Variants in PRELID2 observed in about 807,000 individuals in gnomAD.
PRELID2 encodes PRELI domain-containing protein 2.
A neutral mutation model predicts 28.4 loss-of-function variants in PRELID2; 25 were observed. The observed-to-expected ratio is 0.88, with a 90% CI of 0.64 to 1.23. The LOEUF is 1.23. Ranked by LOEUF, PRELID2 falls within the 50% of genes most tolerant of loss-of-function variation. The probability of loss-of-function intolerance (pLI) is 0.00; values close to 1 mark genes in which losing one functional copy is unlikely to be tolerated. For missense variants in PRELID2, 201 were observed against 214.4 expected (o/e 0.94, Z 0.39); for synonymous variants, 76 against 71.6 (o/e 1.06, Z -0.31).
chr5:145,330,253 G>A, the PRELID2 span, among the ~76,000 whole-genome samples: 2 of 152,132 alleles, frequency 1.3e-5, no homozygotes, highest in Non-Finnish European at 2.9e-5. Flanking sequence ...TTGTGTCTCT[G>A]CCAGGTTTTG....
chr5:145,613,656 A>C (rs1316396633), intron 1 of PRELID2, among the ~76,000 whole-genome samples: 2 of 151,690 alleles, frequency 1.3e-5, no homozygotes, highest in African/African-American at 2.4e-5. Context: ...TTCTTAACCC[A>C]CTTCTTGACA....
the PRELID2 span, among the ~76,000 whole-genome samples, chr5:145,448,287 T>C: frequency 6.6e-6 from 1 of 151,992 alleles, no homozygotes; most frequent in African/African-American, 2.4e-5. Context: ...GAAGTGTCTG[T>C]TCATGTCCTT....
intron 1 of PRELID2, among the ~76,000 whole-genome samples, chr5:145,600,434 A>AAAAATATATATATATATATATATAT (rs1315631607): frequency 3.3e-5 from 4 of 120,098 alleles, no homozygotes; most frequent in African/African-American, 1.6e-4. Context: ...AAAAAAAAAA[A>AAAAATATATATATATATATATATAT]ATATATATAT....
chr5:145,472,930 A>G (rs1406057413), intron 2 of PRELID2, among the ~76,000 whole-genome samples: 1 of 152,158 alleles, frequency 6.6e-6, no homozygotes, highest in Admixed American at 6.6e-5. Flanking sequence ...GTTTCTTTGG[A>G]ATCTGACCTA....
downstream of PRELID2, among the ~76,000 whole-genome samples, chr5:145,467,658 A>T (rs905751209): frequency 2.6e-5 from 4 of 152,008 alleles, no homozygotes; most frequent in African/African-American, 9.7e-5. Context: ...TCTGATGACA[A>T]AGCACTGTTT....
chr5:145,595,163 C>CAG (rs1554078066), intron 1 of PRELID2, among the ~76,000 whole-genome samples: 1 of 135,462 alleles, frequency 7.4e-6, no homozygotes, highest in Non-Finnish European at 1.5e-5. Flanking sequence ...TCATAATAGA[C>CAG]ACACACACAC....
At chr5:145,279,701 T>G in the PRELID2 span, among the ~76,000 whole-genome samples, 2 of 152,150 alleles carry the variant, frequency 1.3e-5, no homozygotes, top group African/African-American at 4.8e-5. Context: ...TAAATTCATT[T>G]TTTGAAACAA....
the PRELID2 span, among the ~76,000 whole-genome samples, chr5:145,387,250 A>T: frequency 3.6e-3 from 543 of 152,204 alleles, 1 homozygote; most frequent in African/African-American, 0.012. Context: ...AGGAATGTAG[A>T]TGCATGGTTA....
chr5:145,591,899 T>G (rs1041194936), intron 1 of PRELID2, among the ~76,000 whole-genome samples: 1 of 152,148 alleles, frequency 6.6e-6, no homozygotes, highest in African/African-American at 2.4e-5. Flanking sequence ...TGGTGATGAG[T>G]GCTGCTGTGC....
chr5:145,462,186 C>T, the PRELID2 span, among the ~76,000 whole-genome samples: 1 of 152,084 alleles, frequency 6.6e-6, no homozygotes, highest in African/African-American at 2.4e-5. Flanking sequence ...AGCACTGATA[C>T]AATAAAATGT....
chr5:145,634,968 T>C (rs1381543693), intron 1 of PRELID2, among the ~76,000 whole-genome samples: 2 of 152,150 alleles, frequency 1.3e-5, no homozygotes, highest in African/African-American at 4.8e-5. Context: ...CAGTTAACCA[T>C]CCCCTATTTC....
intron 1 of PRELID2, among the ~76,000 whole-genome samples, chr5:145,633,072 T>C (rs1753953295): frequency 6.6e-6 from 1 of 152,084 alleles, no homozygotes; most frequent in African/African-American, 2.4e-5. Flanking sequence ...AGAAAATAAA[T>C]TCTGGCAACA....
At chr5:145,793,814 T>C (rs961211073) in intron 5 of PRELID2, among the ~76,000 whole-genome samples, 2 of 152,194 alleles carry the variant, frequency 1.3e-5, no homozygotes, top group East Asian at 1.9e-4. Flanking sequence ...GGAATAAGAA[T>C]TAAGGTGAAT....
the PRELID2 span, among the ~76,000 whole-genome samples, chr5:145,376,986 T>A: frequency 6.6e-6 from 1 of 152,104 alleles, no homozygotes; most frequent in South Asian, 2.1e-4. Flanking sequence ...ATTAGGTTGT[T>A]AATGTGAGAT....
chr5:145,608,022 G>A (rs780098271), intron 1 of PRELID2, among the ~76,000 whole-genome samples: 7 of 145,814 alleles, frequency 4.8e-5, no homozygotes, highest in Non-Finnish European at 9.0e-5. Context: ...TTTTTCCATC[G>A]TTGTTGATTT....
Position 145,731,559 on chromosome 5 carries a change from C to T in PRELID2, n.70+33372G>A, listed in dbSNP as rs145796365. The stretch of plus-strand genomic sequence containing the variant: ...AAATCATTCTTAGCCTTACTGTTTT[C>T]GTTAGTAAAATGAGGCTAATTACAA... On this transcript the variant is annotated intron_variant and non_coding_transcript_variant, in intron 1 of 2. Coordinates refer to the PRELID2 transcript ENST00000510259. 3.9e-4 allele frequency among the ~76,000 whole-genome samples: 60 copies of T among 152,294 alleles called. 1 individual carries two copies. Among genetic ancestry groups the T allele is most frequent in the African/African-American group, 1.3e-3 (52 of 41,572 alleles).
At chr5:145,751,082 A>C (rs1386534755) in intron 1 of PRELID2, among the ~76,000 whole-genome samples, 2 of 152,240 alleles carry the variant, frequency 1.3e-5, no homozygotes, top group Non-Finnish European at 2.9e-5. Flanking sequence ...AAAACAAAAG[A>C]GGAAACAGCG....
At chr5:145,425,759 T>A in the PRELID2 span, among the ~76,000 whole-genome samples, 1 of 152,070 alleles carries the variant, frequency 6.6e-6, no homozygotes, top group Non-Finnish European at 1.5e-5. Context: ...CTGTTGTGGG[T>A]TGTTCTGGGG....
chr5:145,761,059 C>A (rs907417809), intron 6 of PRELID2, among the ~76,000 whole-genome samples: 2 of 152,144 alleles, frequency 1.3e-5, no homozygotes, highest in African/African-American at 4.8e-5. Flanking sequence ...TGTGAAGTAT[C>A]TTTAATGTTA....
Sources: gnomAD v4.1 joint callset for allele counts (sites outside exome capture counted in the v4.1 genomes callset) on GRCh38, gnomAD v4.1.1 for gene constraint, MANE v1.5 for transcripts, NCBI Gene and HGNC (gene_info 2026-07-23, HGNC 2026-07-21) for gene names.